GLDC: variants seen among roughly 807,000 people sequenced by gnomAD.
The protein encoded by GLDC is glycine decarboxylase, also known as glycine dehydrogenase (decarboxylating), mitochondrial.
A neutral mutation model predicts 121.3 loss-of-function variants in GLDC; 104 were observed. That is an observed-to-expected ratio of 0.86 (90% CI 0.73 to 1.01). GLDC has a LOEUF of 1.01. Among genes scored for constraint, GLDC ranks in the 50% least tolerant of loss-of-function variants. The pLI is 0.00. For synonymous variants in GLDC, 546 were observed against 480.6 expected, an observed-to-expected ratio of 1.14 and a Z score of -1.78; for missense variants, 1,429 against 1,306.6, an observed-to-expected ratio of 1.09 and a Z score of -1.44.
chr9:6,602,581 G>A (rs1818638209), intron 7 of GLDC, among the ~76,000 whole-genome samples: 1 of 152,016 alleles, frequency 6.6e-6, no homozygotes, highest in African/African-American at 2.4e-5. Context: ...TTGAACTCCT[G>A]GCCTCAGGTG....
chr9:6,622,699 G>A (rs1245304853), intron 2 of GLDC: 10 of 198,258 alleles, frequency 5.0e-5, no homozygotes, highest in African/African-American at 1.2e-4. Context: ...CTGCCTGGCC[G>A]CCCATGGTCT....
At chr9:6,585,573 G>A (rs1444644859) in intron 15 of GLDC, among the ~76,000 whole-genome samples, 2 of 152,170 alleles carry the variant, frequency 1.3e-5, no homozygotes, top group East Asian at 3.9e-4. Flanking sequence ...ATTTTATAGG[G>A]TGTATTGTTT....
chr9:6,562,191 C>A (rs1817772188), intron 16 of GLDC, among the ~76,000 whole-genome samples: 1 of 152,064 alleles, frequency 6.6e-6, no homozygotes, highest in Admixed American at 6.6e-5. Context: ...ATGGTAATTG[C>A]CATATAAGTG....
At chr9:6,561,578 G>C (rs866355194) in intron 16 of GLDC, among the ~76,000 whole-genome samples, 26 of 152,204 alleles carry the variant, frequency 1.7e-4, no homozygotes, top group African/African-American at 6.0e-4. Flanking sequence ...GAACCCGGGA[G>C]GCGGAGGTTG....
intron 15 of GLDC, 123 bp downstream of exon 15, chr9:6,587,018 A>G (rs1818284624): frequency 1.3e-6 from 1 of 796,892 alleles, no homozygotes; most frequent in Admixed American, 1.9e-5. Flanking sequence ...TCCCCAGTGG[A>G]GTGGAACTGT....
At chr9:6,560,687 C>A (rs559458042) in intron 16 of GLDC, among the ~76,000 whole-genome samples, 4 of 152,208 alleles carry the variant, frequency 2.6e-5, no homozygotes, top group Admixed American at 1.3e-4. Flanking sequence ...AGAATTCATA[C>A]CAGGTGAGTT....
At chr9:6,574,204 T>G (rs1389206529) in intron 15 of GLDC, among the ~76,000 whole-genome samples, 1 of 152,170 alleles carries the variant, frequency 6.6e-6, no homozygotes, top group Non-Finnish European at 1.5e-5. Context: ...ACCTGGGAAC[T>G]TGTTAGAAAT....
intron 3 of GLDC, among the ~76,000 whole-genome samples, chr9:6,614,477 C>A (rs114013267): frequency 0.013 from 2,006 of 152,140 alleles, 29 homozygotes; most frequent in African/African-American, 0.044. Flanking sequence ...CTCAAAGACC[C>A]ACCCACCTCA....
rs1162754179 is a variant in GLDC, at chr9:6,533,115, T to C, written c.2965A>G (p.Ile989Val). 1.4e-5 allele frequency: 22 copies of C among 1,612,632 alleles called. No individual in the cohort carries two copies. The highest frequency in any genetic ancestry group is 1.9e-5 in the Non-Finnish European group (22 of 1,178,692). ...ENKFWPTIAR[I>V]DDIYGDQHLV... ...TGCTGATCTCCATATATGTCATCAA[T>C]CCGGGCAATCGTTGGCCAGAATTTG... Residue 989 changes from isoleucine to valine, a missense_variant, in exon 25 of 25, where the codon ATT becomes GTT. Ile to Val is a conservative substitution (Grantham distance 29). Transcript: ENST00000321612.
chr9:6,573,444 G>C (rs906687644), intron 15 of GLDC, among the ~76,000 whole-genome samples: 1 of 152,122 alleles, frequency 6.6e-6, no homozygotes, highest in Non-Finnish European at 1.5e-5. Flanking sequence ...CTGGGCAACA[G>C]AGCAAGACTC....
intron 2 of GLDC, among the ~76,000 whole-genome samples, chr9:6,622,249 C>G (rs1819116056): frequency 6.6e-6 from 1 of 151,958 alleles, no homozygotes; most frequent in South Asian, 2.1e-4. Flanking sequence ...GTCCCCCTCC[C>G]CCTCCCCCTC....
chr9:6,569,024 A>G (rs764381862), intron 15 of GLDC: 1 of 152,236 alleles, frequency 6.6e-6, no homozygotes, highest in Non-Finnish European at 1.5e-5. Context: ...AAAAAGTAGA[A>G]CAACTGAATA....
At position 6,633,821 on chromosome 9, in the gene GLDC, C is replaced by CTTTTT. The variant is rs1156711956; in HGVS notation, c.334+10788_334+10792dup. Among the ~76,000 whole-genome samples, 53 of 89,466 alleles carry CTTTTT rather than the reference C, an allele frequency of 5.9e-4. 6 individuals carry two copies. Among genetic ancestry groups the CTTTTT allele is most frequent in the African/African-American group, 1.3e-3 (26 of 19,978 alleles). The allele number at this position is 89,466 out of a possible 152,430, so 58.7% of individuals were successfully genotyped here. ...ACTTGGGAGGCTGAGGCAGGAGAAT[C>CTTTTT]TTTTTTTTTTTTTTTTTTTTTTTTT... On this transcript the variant is annotated intron_variant, in intron 2 of 24. Transcript: ENST00000321612.
chr9:6,539,272 G>C (rs1015311853), intron 22 of GLDC, among the ~76,000 whole-genome samples: 1 of 152,256 alleles, frequency 6.6e-6, no homozygotes, highest in East Asian at 1.9e-4. Flanking sequence ...GAGCTCAGGA[G>C]ACTGAGACCA....
rs7026782 is a variant in GLDC at position 6,602,327 on chromosome 9, A to G, written c.1059-122T>C. ...ATTCAGCAAATGCACTTGGGTGCAA[A>G]TTTATAAAGAAACAATTTCTAAACG... is the stretch of plus-strand genomic sequence containing the variant. On this transcript the variant is annotated intron_variant, in intron 7 of 24. Transcript: ENST00000321612. The G allele has an allele frequency of 7.7e-3, 5,451 of 709,970 alleles. 196 individuals are homozygous for G. The African/African-American group carries it at 0.081, about 11-fold the overall frequency. The allele number at this position is 709,970 out of a possible 1,614,324, so 44.0% of individuals were successfully genotyped here. A position where few individuals can be genotyped will look rare whatever the true frequency, so the allele number is the denominator to read the frequency against.
At chr9:6,611,761 T>C (rs769422911) in intron 3 of GLDC, among the ~76,000 whole-genome samples, 1 of 152,220 alleles carries the variant, frequency 6.6e-6, no homozygotes, top group Non-Finnish European at 1.5e-5. Flanking sequence ...CTGTCGTATA[T>C]CTTGTGCCTG....
intron 3 of GLDC, among the ~76,000 whole-genome samples, chr9:6,612,176 C>G (rs1233106858): frequency 6.8e-6 from 1 of 147,910 alleles, no homozygotes; most frequent in African/African-American, 2.6e-5. Flanking sequence ...GTTGTATACA[C>G]ACACACACAC....
chr9:6,543,719 G>C (rs562882436), intron 21 of GLDC, among the ~76,000 whole-genome samples: 1 of 152,270 alleles, frequency 6.6e-6, no homozygotes, highest in South Asian at 2.1e-4. Context: ...GATGTTCTTT[G>C]CAGCTTTTAG....
chr9:6,533,674 C>T (rs563276208), intron 24 of GLDC, among the ~76,000 whole-genome samples: 7 of 151,844 alleles, frequency 4.6e-5, no homozygotes, highest in Non-Finnish European at 1.0e-4. Context: ...GCCTGATCGA[C>T]ATGGAGAAAC....
Sources: gnomAD v4.1 joint callset for allele counts (sites outside exome capture counted in the v4.1 genomes callset) on GRCh38, gnomAD v4.1.1 for gene constraint, MANE v1.5 for transcripts, NCBI Gene and HGNC (gene_info 2026-07-23, HGNC 2026-07-21) for gene names.